TMC2: variants seen among roughly 807,000 people sequenced by gnomAD.
TMC2 encodes the protein transmembrane channel like 2.
Under a neutral mutation model 105.9 loss-of-function variants are expected in TMC2, and 102 were observed. That is an observed-to-expected ratio of 0.96 (90% CI 0.82 to 1.14). The LOEUF (loss-of-function observed/expected upper bound fraction) is 1.14. TMC2 is among the 50% of genes most tolerant of loss of function. TMC2 has a pLI of 0.00. For missense variants in TMC2, 1,093 were observed against 1,134.3 expected (o/e 0.96, Z 0.52); for synonymous variants, 402 against 422.8 (o/e 0.95, Z 0.60).
In TMC2 at chr20:2,558,811, G is replaced by A. The variant is rs569664904; in HGVS notation, c.401+37G>A. ...CTCCGATTCTGGGCATTCGCTCCGC[G>A]CGCTCCCGCTCCTTCGCGGCCCTTC... is the stretch of plus-strand genomic sequence containing the variant. On this transcript the variant is annotated intron_variant, in intron 3 of 19. Coordinates refer to ENST00000358864, the MANE Select transcript of TMC2 (RefSeq NM_080751.3). The surrounding 1 kb of genome is among the most constrained non-coding windows in gnomAD (Gnocchi z 4.6). 75 of 1,494,882 alleles carry A rather than the reference G, an allele frequency of 5.0e-5. No individual in the cohort carries two copies. The highest frequency in any genetic ancestry group is 2.9e-4 in the Admixed American group (12 of 41,546). 92.6% of individuals were successfully genotyped at this position (1,494,882 alleles called of 1,614,324 possible).
At chr20:2,567,597 T>C (rs922101415) in intron 4 of TMC2, among the ~76,000 whole-genome samples, 10 of 152,194 alleles carry the variant, frequency 6.6e-5, no homozygotes, top group Admixed American at 2.6e-4. Flanking sequence ...AGGGTCTCAC[T>C]ATATTGCTCA....
intron 7 of TMC2, among the ~76,000 whole-genome samples, chr20:2,589,269 C>CGT (rs764448789): frequency 0.067 from 5,665 of 84,622 alleles, 437 homozygotes; most frequent in Non-Finnish European, 0.08. Context: ...TCCTATTTGC[C>CGT]CTGTGTGTGT....
intron 8 of TMC2, 60 bp from the exon 9 acceptor site, chr20:2,594,765 T>G: frequency 6.4e-7 from 1 of 1,562,102 alleles, no homozygotes; most frequent in Non-Finnish European, 8.7e-7. Context: ...AGTAGACATG[T>G]CTGGTAACCA....
rs561595103 is a variant in TMC2 at position 2,542,779 on chromosome 20, C to T, written c.82+5463C>T. 4.6e-5 allele frequency among the ~76,000 whole-genome samples: 7 copies of T among 151,566 alleles called. No homozygotes were observed. The South Asian group carries it at 1.3e-3, about 27-fold the overall frequency. On this transcript the variant is annotated intron_variant, in intron 2 of 19. Transcript: ENST00000358864. The stretch of plus-strand genomic sequence containing the variant: ...ACATCTTGGCTCACTGCAACCTCCG[C>T]CTCCCGGGTTCAAGCAATTCTCCTG...
intron 16 of TMC2, among the ~76,000 whole-genome samples, chr20:2,622,014 G>A (rs766715314): frequency 1.2e-4 from 19 of 152,082 alleles, no homozygotes; most frequent in Non-Finnish European, 2.5e-4. Context: ...TGTACATGGC[G>A]GGTATGCACT....
intron 2 of TMC2, among the ~76,000 whole-genome samples, chr20:2,553,998 C>T (rs1257512745): frequency 6.6e-6 from 1 of 152,140 alleles, no homozygotes; most frequent in Non-Finnish European, 1.5e-5. Flanking sequence ...GATTCTCCTG[C>T]CTCAGCCTCC....
intron 18 of TMC2, among the ~76,000 whole-genome samples, chr20:2,636,686 C>T (rs1189074048): frequency 1.3e-5 from 2 of 152,154 alleles, no homozygotes; most frequent in South Asian, 2.1e-4. Context: ...TGCAGTGGCA[C>T]GATCCCAGCT....
At chr20:2,597,024 T>C (rs2086313040) in intron 9 of TMC2, 127 bp from the exon 10 acceptor site, 1 of 1,037,726 alleles carries the variant, frequency 9.6e-7, no homozygotes, top group Non-Finnish European at 1.4e-6. Flanking sequence ...GCCTGGCTTG[T>C]TTTGTCACTG....
chr20:2,564,743 G>T (rs2086052495), intron 4 of TMC2, among the ~76,000 whole-genome samples: 1 of 152,180 alleles, frequency 6.6e-6, no homozygotes, highest in South Asian at 2.1e-4. Context: ...AGTTCCTGGG[G>T]CTGGCAGGAT....
rs1298542539 is a variant in TMC2 at position 2,558,830 on chromosome 20, G to GCCCTTC, written c.401+66_401+71dup. On this transcript the variant is annotated intron_variant, in intron 3 of 19. Transcript: ENST00000358864. The surrounding 1 kb of genome is among the most constrained non-coding windows in gnomAD (Gnocchi z 4.6). ...CTCCGCGCGCTCCCGCTCCTTCGCG[G>GCCCTTC]CCCTTCCCCTTCCCCCGTGAGGGAC... 4 of 1,468,788 alleles carry GCCCTTC rather than the reference G, an allele frequency of 2.7e-6. No homozygotes were observed. In the African/African-American group the frequency reaches 5.7e-5, roughly 21 times the overall value. 91.0% of individuals were successfully genotyped at this position (1,468,788 alleles called of 1,614,324 possible). A position where few individuals can be genotyped will look rare whatever the true frequency, so the allele number is the denominator to read the frequency against.
At chr20:2,589,864 T>C (rs2086257312) in intron 7 of TMC2, among the ~76,000 whole-genome samples, 1 of 152,168 alleles carries the variant, frequency 6.6e-6, no homozygotes, top group Non-Finnish European at 1.5e-5. Context: ...AGACACAGGG[T>C]TTCACCGTGT....
At chr20:2,539,009 C>G (rs1456240758) in intron 2 of TMC2, among the ~76,000 whole-genome samples, 4 of 152,192 alleles carry the variant, frequency 2.6e-5, no homozygotes, top group African/African-American at 9.7e-5. Context: ...TGAGAACTCT[C>G]CCTCCTCCTG....
intron 17 of TMC2, among the ~76,000 whole-genome samples, chr20:2,634,632 T>C (rs1275991564): frequency 6.6e-6 from 1 of 152,166 alleles, no homozygotes; most frequent in Non-Finnish European, 1.5e-5. Flanking sequence ...GGGAGGTACA[T>C]AGCCACCCAT....
intron 2 of TMC2, among the ~76,000 whole-genome samples, chr20:2,544,314 A>G (rs1322687315): frequency 6.6e-6 from 1 of 152,126 alleles, no homozygotes. Flanking sequence ...CCACATCTGA[A>G]TGCTGGCACA....
chr20:2,550,829 CA>C (rs942330110), intron 2 of TMC2, among the ~76,000 whole-genome samples: 6 of 152,216 alleles, frequency 3.9e-5, no homozygotes, highest in African/African-American at 1.4e-4. Flanking sequence ...TTCATTTCAT[CA>C]CTGAGTAATA....
At chr20:2,575,718 CA>C (rs1345512012) in intron 5 of TMC2, among the ~76,000 whole-genome samples, 1 of 151,956 alleles carries the variant, frequency 6.6e-6, no homozygotes, top group African/African-American at 2.4e-5. Context: ...CCCCCACCCC[CA>C]TCCCCCATAT....
chr20:2,602,047 C>A (rs2086355201), intron 10 of TMC2, 66 bp from the exon 11 acceptor site: 1 of 1,161,950 alleles, frequency 8.6e-7, no homozygotes, highest in Non-Finnish European at 1.2e-6. Flanking sequence ...TTTTCAGGGA[C>A]CCAACAGCCA....
chr20:2,608,335 TA>T (rs2086409930), intron 11 of TMC2, among the ~76,000 whole-genome samples: 1 of 145,450 alleles, frequency 6.9e-6, no homozygotes, highest in Non-Finnish European at 1.5e-5. Context: ...TTATTATTAT[TA>T]TTATTATTTG....
At chr20:2,591,650 A>G (rs115988005) in intron 7 of TMC2, among the ~76,000 whole-genome samples, 3,773 of 152,162 alleles carry the variant, frequency 0.025, 145 homozygotes, top group African/African-American at 0.084. Flanking sequence ...AGTTATTGCA[A>G]TGAGCCGAGA....
Sources: gnomAD v4.1 joint callset for allele counts (sites outside exome capture counted in the v4.1 genomes callset) on GRCh38, gnomAD v4.1.1 for gene constraint, Gnocchi (gnomAD v3.1) non-coding constraint, MANE v1.5 for transcripts, NCBI Gene and HGNC (gene_info 2026-07-23, HGNC 2026-07-21) for gene names.